CNTNAP3B: variants seen among roughly 807,000 people sequenced by gnomAD.
CNTNAP3B encodes the protein contactin associated protein family member 3B.
CNTNAP3B carries 25 observed loss-of-function variants against 108.9 expected under a neutral mutation model. The observed-to-expected ratio is 0.23, with a 90% CI of 0.17 to 0.32. The LOEUF (loss-of-function observed/expected upper bound fraction) is 0.32, where lower values mean the gene tolerates loss of function less well. Ranked by LOEUF, CNTNAP3B falls within the 10% of genes least tolerant of loss-of-function variation. The pLI, the probability that CNTNAP3B is intolerant of heterozygous loss-of-function variation, is 1.00. For synonymous variants in CNTNAP3B, 103 were observed against 473.4 expected (o/e 0.22, Z 10.16); for missense variants, 252 against 1,210.4 (o/e 0.21, Z 11.75).
chr9:41,922,238 G>A (rs1389617114), intron 17 of CNTNAP3B, among the ~76,000 whole-genome samples: 2 of 125,396 alleles, frequency 1.6e-5, no homozygotes, highest in African/African-American at 3.3e-5. Context: ...GGCTGAGGTG[G>A]GTGGATCATC....
chr9:42,103,330 C>G (rs1476140270), intron 2 of CNTNAP3B, among the ~76,000 whole-genome samples: 1 of 147,078 alleles, frequency 6.8e-6, no homozygotes, highest in East Asian at 2.0e-4. Context: ...CTGCCTATAA[C>G]AAATGCCAGA....
At chr9:41,921,160 C>A (rs1234005969) in intron 17 of CNTNAP3B, among the ~76,000 whole-genome samples, 63 of 152,382 alleles carry the variant, frequency 4.1e-4, no homozygotes, top group African/African-American at 1.4e-3. Flanking sequence ...GATTCTGAAG[C>A]CAGTGCTTCA....
rs561216024 is a variant in CNTNAP3B, at chr9:41,979,081, G to C, written c.1477+7087C>G. 1.3e-4 allele frequency among the ~76,000 whole-genome samples: 18 copies of C among 137,562 alleles called. 2 individuals are homozygous for C. In the South Asian group the frequency reaches 4.3e-3, roughly 33 times the overall value. 90.2% of individuals were successfully genotyped at this position (137,562 alleles called of 152,430 possible). On this transcript the variant is annotated intron_variant, in intron 9 of 23. Transcript: ENST00000377561. Reference sequence around the variant, plus strand: ...AGTAAACAGCCCTGGCCTTGCAGGTGTAACAGTCTAGGCCTCTGTCTTCCT... The same window carrying C: ...AGTAAACAGCCCTGGCCTTGCAGGTCTAACAGTCTAGGCCTCTGTCTTCCT...
chr9:42,055,842 C>A (rs530522512), intron 3 of CNTNAP3B, among the ~76,000 whole-genome samples: 2 of 107,160 alleles, frequency 1.9e-5, no homozygotes, highest in African/African-American at 7.8e-5. Flanking sequence ...AAAGATTCTG[C>A]AGCCAGGCCA....
intron 4 of CNTNAP3B, among the ~76,000 whole-genome samples, chr9:42,003,181 G>C (rs140907593): frequency 1.6e-5 from 2 of 128,462 alleles, no homozygotes; most frequent in African/African-American, 6.1e-5. Context: ...AAGCCACCCC[G>C]CCTGGCCTAC....
intron 3 of CNTNAP3B, among the ~76,000 whole-genome samples, chr9:42,035,976 C>A (rs1160382251): frequency 7.0e-6 from 1 of 143,006 alleles, no homozygotes; most frequent in Admixed American, 6.9e-5. Context: ...GGCATGGTGG[C>A]GCATGCCTGT....
chr9:41,920,841 T>A (rs760956736), intron 17 of CNTNAP3B, among the ~76,000 whole-genome samples: 1,292 of 151,054 alleles, frequency 8.6e-3, no homozygotes, highest in South Asian at 0.027. Flanking sequence ...GGAGGGGAAG[T>A]TGGAAGGGGT....
chr9:42,038,455 T>TA (rs370018301), intron 3 of CNTNAP3B, among the ~76,000 whole-genome samples: 5,547 of 69,550 alleles, frequency 0.08, 633 homozygotes, highest in East Asian at 0.11. Flanking sequence ...CAATGGAAAA[T>TA]AAAAAAAAAG....
At chr9:42,098,021 T>A (rs1415214627) in intron 2 of CNTNAP3B, among the ~76,000 whole-genome samples, 2 of 137,686 alleles carry the variant, frequency 1.5e-5, no homozygotes, top group Non-Finnish European at 3.1e-5. Flanking sequence ...ATACACAGAA[T>A]TTGGAAAAAC....
intron 11 of CNTNAP3B, among the ~76,000 whole-genome samples, chr9:41,962,564 A>C (rs1206962879): frequency 1.4e-5 from 2 of 145,948 alleles, no homozygotes; most frequent in Non-Finnish European, 3.0e-5. Flanking sequence ...TGGAGGATGA[A>C]AGATACACAG....
At position 42,097,809 on chromosome 9, in the gene CNTNAP3B, G is replaced by A. The variant is rs1244478091; in HGVS notation, c.196+6820C>T. ...GTCTGAGATTCATCAACTGAGCATG[G>A]AATAAGAAGAGAATAGCACTTTAAA... On this transcript the variant is annotated intron_variant, in intron 2 of 23. Coordinates refer to ENST00000377561, the MANE Select transcript of CNTNAP3B (RefSeq NM_001201380.3). Among the ~76,000 whole-genome samples, 2 of 136,674 alleles carry A rather than the reference G, an allele frequency of 1.5e-5. 1 individual carries two copies. The highest frequency in any genetic ancestry group is 4.4e-4 in the East Asian group (2 of 4,536). 89.7% of individuals were successfully genotyped at this position (136,674 alleles called of 152,430 possible). A position where few individuals can be genotyped will look rare whatever the true frequency, so the allele number is the denominator to read the frequency against.
At chr9:42,079,897 G>A (rs1429448543) in intron 2 of CNTNAP3B, among the ~76,000 whole-genome samples, 1 of 132,828 alleles carries the variant, frequency 7.5e-6, no homozygotes, top group Non-Finnish European at 1.6e-5. Context: ...TAGGCTGGAT[G>A]TTGTACATTG....
At chr9:41,956,316 G>A (rs1824856782) in intron 12 of CNTNAP3B, among the ~76,000 whole-genome samples, 2 of 151,924 alleles carry the variant, frequency 1.3e-5, no homozygotes, top group East Asian at 3.9e-4. Context: ...AACCCGGGAG[G>A]TGGAGGTTGC....
intron 7 of CNTNAP3B, among the ~76,000 whole-genome samples, chr9:41,995,856 C>G (rs1450196832): frequency 7.2e-6 from 1 of 138,230 alleles, no homozygotes; most frequent in Admixed American, 7.2e-5. Context: ...GCCAACATGG[C>G]GAAACCCCGT....
chr9:41,974,355 A>G lies in CNTNAP3B; in HGVS notation c.1478-4110T>C. 5 of 200,724 alleles carry G rather than the reference A, an allele frequency of 2.5e-5. No individual in the cohort carries two copies. In the South Asian group the frequency reaches 2.8e-4, roughly 11 times the overall value. 12.4% of individuals were successfully genotyped at this position (200,724 alleles called of 1,614,324 possible). ...GCAGGGCAACATTAAATTGAAAAAA[A>G]AAAAAAGATGCCCCCATACGATGGC... On this transcript the variant is annotated intron_variant, in intron 9 of 23. Coordinates refer to ENST00000377561, the MANE Select transcript of CNTNAP3B (RefSeq NM_001201380.3).
At chr9:42,034,337 G>T (rs1162555820) in intron 3 of CNTNAP3B, among the ~76,000 whole-genome samples, 2 of 89,294 alleles carry the variant, frequency 2.2e-5, no homozygotes, top group Non-Finnish European at 4.3e-5. Flanking sequence ...TAAAGCCACT[G>T]CTTCTGCTTT....
intron 1 of CNTNAP3B, among the ~76,000 whole-genome samples, chr9:42,120,594 T>C (rs1564200894): frequency 7.2e-6 from 1 of 137,934 alleles, no homozygotes; most frequent in Non-Finnish European, 1.5e-5. Flanking sequence ...AATGATAGAC[T>C]GGATTAAGAA....
chr9:42,037,189 G>A (rs1826649864), intron 3 of CNTNAP3B, among the ~76,000 whole-genome samples: 1 of 148,338 alleles, frequency 6.7e-6, no homozygotes, highest in African/African-American at 2.6e-5. Flanking sequence ...GAACAAAGCG[G>A]GACGGAGAAT....
At chr9:41,958,334 G>T (rs568128301) in intron 12 of CNTNAP3B, among the ~76,000 whole-genome samples, 2 of 152,306 alleles carry the variant, frequency 1.3e-5, no homozygotes, top group African/African-American at 4.8e-5. Flanking sequence ...TGTTGCAGAG[G>T]TGGGGGTCTC....
Sources: gnomAD v4.1 joint callset for allele counts (sites outside exome capture counted in the v4.1 genomes callset) on GRCh38, gnomAD v4.1.1 for gene constraint, MANE v1.5 for transcripts, NCBI Gene and HGNC (gene_info 2026-07-23, HGNC 2026-07-21) for gene names.